ANKS1B: variants seen among roughly 807,000 people sequenced by gnomAD.
The protein encoded by ANKS1B is ankyrin repeat and sterile alpha motif domain containing 1B, also known as ankyrin repeat and sterile alpha motif domain-containing protein 1B.
A neutral mutation model predicts 148.3 loss-of-function variants in ANKS1B; 36 were observed. The observed-to-expected ratio is 0.24, with a 90% CI of 0.19 to 0.32. ANKS1B has a LOEUF of 0.32. Ranked by LOEUF, ANKS1B falls within the 10% of genes least tolerant of loss-of-function variation. The pLI, the probability that ANKS1B is intolerant of heterozygous loss-of-function variation, is 1.00. For synonymous variants in ANKS1B, 542 were observed against 560.8 expected (o/e 0.97, Z 0.47); for missense variants, 1,157 against 1,542.6 (o/e 0.75, Z 4.19).
At chr12:99,899,827 T>C (rs529059059) in intron 1 of ANKS1B, among the ~76,000 whole-genome samples, 1 of 152,290 alleles carries the variant, frequency 6.6e-6, no homozygotes, top group Admixed American at 6.5e-5. Context: ...TAAAGCACTT[T>C]TCATGTCGTA....
At chr12:99,185,482 C>T (rs1017617269) in intron 14 of ANKS1B, among the ~76,000 whole-genome samples, 10 of 152,292 alleles carry the variant, frequency 6.6e-5, no homozygotes, top group Admixed American at 6.5e-4. Flanking sequence ...TAGCTCTGGT[C>T]TGCAGCTCCC....
chr12:98,794,722 C>A, intron 22 of ANKS1B: 1 of 965,964 alleles, frequency 1.0e-6, no homozygotes, highest in South Asian at 1.3e-5. Flanking sequence ...ATGAACCTAT[C>A]AAATACCAGT....
At chr12:99,646,638 G>C (rs545054894) in intron 9 of ANKS1B, among the ~76,000 whole-genome samples, 13 of 119,736 alleles carry the variant, frequency 1.1e-4, no homozygotes, top group African/African-American at 4.1e-4. Flanking sequence ...GGGTGACAGA[G>C]TGAGACTCCA....
At chr12:99,735,962 T>C (rs1185978072) in intron 8 of ANKS1B, among the ~76,000 whole-genome samples, 1 of 151,710 alleles carries the variant, frequency 6.6e-6, no homozygotes, top group African/African-American at 2.4e-5. Context: ...TTTCAACATA[T>C]GCATATGAAT....
chr12:99,034,183 GC>G (rs2099954050), intron 17 of ANKS1B, among the ~76,000 whole-genome samples: 1 of 152,244 alleles, frequency 6.6e-6, no homozygotes, highest in Admixed American at 6.5e-5. Context: ...GTACAAAGCA[GC>G]AATAGGAGTG....
chr12:99,456,421 G>A (rs138656156), intron 10 of ANKS1B, among the ~76,000 whole-genome samples: 1 of 152,214 alleles, frequency 6.6e-6, no homozygotes, highest in African/African-American at 2.4e-5. Flanking sequence ...AGATCAACAG[G>A]AAACCTCTGA....
chr12:98,770,068 C>A (rs892553349), intron 25 of ANKS1B, among the ~76,000 whole-genome samples: 1 of 152,142 alleles, frequency 6.6e-6, no homozygotes. Context: ...CGTCAGCAGG[C>A]AGGGAGAGGG....
At chr12:99,229,032 A>C (rs1250047178) in intron 14 of ANKS1B, among the ~76,000 whole-genome samples, 1 of 151,998 alleles carries the variant, frequency 6.6e-6, no homozygotes, top group African/African-American at 2.4e-5. Context: ...ATTAATGTAT[A>C]CTCACTGTTA....
chr12:99,386,514 T>A (rs2093865765), intron 12 of ANKS1B, among the ~76,000 whole-genome samples: 1 of 152,186 alleles, frequency 6.6e-6, no homozygotes, highest in Non-Finnish European at 1.5e-5. Context: ...TGCTATGCTT[T>A]GTTTTGACCT....
At chr12:99,521,516 T>C (rs1050523737) in intron 9 of ANKS1B, among the ~76,000 whole-genome samples, 13 of 152,122 alleles carry the variant, frequency 8.5e-5, no homozygotes, top group African/African-American at 2.9e-4. Context: ...ACAGGCTTGT[T>C]TGTGCCTGTC....
intron 9 of ANKS1B, among the ~76,000 whole-genome samples, chr12:99,533,425 G>A (rs1384643650): frequency 6.6e-6 from 1 of 152,122 alleles, no homozygotes; most frequent in Admixed American, 6.6e-5. Context: ...ATCAGATCTA[G>A]GAGTCTTTTG....
At chr12:98,797,190 T>C (rs1043677981) in intron 22 of ANKS1B, among the ~76,000 whole-genome samples, 5 of 152,236 alleles carry the variant, frequency 3.3e-5, no homozygotes, top group African/African-American at 1.2e-4. Flanking sequence ...ATTTCCAGAA[T>C]TATAAAACCA....
chr12:99,067,112 G>T (rs73386570), intron 16 of ANKS1B, among the ~76,000 whole-genome samples: 335 of 152,294 alleles, frequency 2.2e-3, no homozygotes, highest in African/African-American at 7.6e-3. Context: ...AGATGAAGAG[G>T]TTTCAATTAA....
At position 98,744,337 on chromosome 12, in the gene ANKS1B, C is replaced by A; in HGVS notation, c.*1402G>T. ...AAAACTCACCAACTGATGAATGTAA[C>A]TGATCATCTCAGTTAGGTTTAAAAT... On this transcript the variant is annotated 3_prime_UTR_variant, in exon 27 of 27. Coordinates refer to ENST00000683438, the MANE Select transcript of ANKS1B (RefSeq NM_001352186.2). 1.1e-6 allele frequency: 1 copy of A among 913,150 alleles called. No homozygotes were observed. Among genetic ancestry groups the A allele is most frequent in the Non-Finnish European group, 1.3e-6 (1 of 763,766 alleles). The allele number at this position is 913,150 out of a possible 1,614,324, so 56.6% of individuals were successfully genotyped here. A position where few individuals can be genotyped will look rare whatever the true frequency, so the allele number is the denominator to read the frequency against.
chr12:99,074,896 A>G (rs17029034), intron 16 of ANKS1B, among the ~76,000 whole-genome samples: 11,962 of 152,222 alleles, frequency 0.079, 1,142 homozygotes, highest in African/African-American at 0.22. Flanking sequence ...GAAGATGAAC[A>G]TGGCCAAGAT....
At chr12:98,861,183 C>T (rs533408999) in intron 17 of ANKS1B, among the ~76,000 whole-genome samples, 103 of 152,294 alleles carry the variant, frequency 6.8e-4, no homozygotes, top group African/African-American at 2.5e-3. Flanking sequence ...GCTAGTATTT[C>T]ATAATTTTCC....
intron 19 of ANKS1B, among the ~76,000 whole-genome samples, chr12:98,825,396 TAATTTAGAAA>T (rs567179526): frequency 7.9e-4 from 120 of 152,370 alleles, no homozygotes; most frequent in African/African-American, 2.7e-3. Flanking sequence ...AATTTTCTAA[TAATTTAGAAA>T]AAGTGTCTTT....
chr12:99,756,900 A>T (rs1161687682), intron 8 of ANKS1B, among the ~76,000 whole-genome samples: 1 of 152,176 alleles, frequency 6.6e-6, no homozygotes, highest in African/African-American at 2.4e-5. Context: ...CAATATGCAG[A>T]AAACTGAAAC....
In ANKS1B at chr12:98,994,510, G is replaced by A. The variant is rs146124598; in HGVS notation, c.2778+58647C>T. Among the ~76,000 whole-genome samples, 812 of 152,238 alleles carry A rather than the reference G, an allele frequency of 5.3e-3. 6 individuals carry two copies. The highest frequency in any genetic ancestry group is 0.019 in the African/African-American group (786 of 41,530). On this transcript the variant is annotated intron_variant, in intron 17 of 26. Transcript: ENST00000683438. ...TGCGTGCCTGTAATCTCAGCTACTC[G>A]GAAGGCTGAGGCAGGAGAGAATCGC...
Sources: gnomAD v4.1 joint callset for allele counts (sites outside exome capture counted in the v4.1 genomes callset) on GRCh38, gnomAD v4.1.1 for gene constraint, MANE v1.5 for transcripts, NCBI Gene and HGNC (gene_info 2026-07-23, HGNC 2026-07-21) for gene names.